PUDP: variants seen among roughly 807,000 people sequenced by gnomAD.
PUDP encodes pseudouridine 5'-phosphatase.
Under a neutral mutation model 9.4 loss-of-function variants are expected in PUDP, and 8 were observed. That is an observed-to-expected ratio of 0.85 (90% CI 0.50 to 1.53). The LOEUF (loss-of-function observed/expected upper bound fraction) is 1.53. Ranked by LOEUF, PUDP falls within the 40% of genes most tolerant of loss-of-function variation. The probability of loss-of-function intolerance (pLI) is 0.00; values close to 1 mark genes in which losing one functional copy is unlikely to be tolerated. For synonymous variants in PUDP, 99 were observed against 80.7 expected (o/e 1.23, Z -1.22); for missense variants, 188 against 189.7 (o/e 0.99, Z 0.05).
intron 2 of PUDP, among the ~76,000 whole-genome samples, chrX:6,977,394 T>C (rs193064496): frequency 1.1e-3 from 122 of 112,298 alleles, no homozygotes; most frequent in African/African-American, 3.6e-3. Context: ...ATCAATAGTA[T>C]ACACCTTCAA....
At position 6,814,151 on chromosome X, in the gene PUDP, G is replaced by A. The variant is rs186890098; in HGVS notation, c.*248-107685C>T. 9.9e-5 allele frequency among the ~76,000 whole-genome samples: 11 copies of A among 111,155 alleles called. No individual in the cohort carries two copies. In the East Asian group the frequency reaches 2.8e-3, roughly 29 times the overall value. ...CAACCTGAAAACATCAGCCCACATT[G>A]TCCCTTTAAGCCACGTGGCACCAGG... On this transcript the variant is annotated intron_variant and NMD_transcript_variant, in intron 3 of 3. Transcript: ENST00000655425.
chrX:6,844,669 T>C (rs1348882691), intron 3 of PUDP, among the ~76,000 whole-genome samples: 1 of 112,559 alleles, frequency 8.9e-6, no homozygotes, highest in Non-Finnish European at 1.9e-5. Context: ...GATATAGATA[T>C]GGAGATATAC....
intron 1 of PUDP, among the ~76,000 whole-genome samples, chrX:7,042,466 A>C (rs1929934841): frequency 8.9e-6 from 1 of 112,029 alleles, no homozygotes. Flanking sequence ...AATTAGGGTG[A>C]ATACAAGTAA....
chrX:6,946,061 C>CT (rs1300615970), intron 3 of PUDP, among the ~76,000 whole-genome samples: 1 of 111,376 alleles, frequency 9.0e-6, no homozygotes, highest in South Asian at 3.8e-4. Context: ...TGCCCCTACC[C>CT]TTTGTGATTT....
At chrX:7,072,493 C>T (rs1045563327) in intron 3 of PUDP, among the ~76,000 whole-genome samples, 6 of 111,489 alleles carry the variant, frequency 5.4e-5, no homozygotes, top group South Asian at 3.8e-4. Context: ...AACTAAAACA[C>T]GCAAAGTAGT....
chrX:6,868,418 A>G (rs1927122399), intron 3 of PUDP, among the ~76,000 whole-genome samples: 1 of 111,881 alleles, frequency 8.9e-6, no homozygotes, highest in African/African-American at 3.2e-5. Flanking sequence ...AGCAATAGAG[A>G]ATAAGCTCCT....
At chrX:6,822,888 GTTT>G (rs1489711264) in intron 3 of PUDP, among the ~76,000 whole-genome samples, 2 of 109,892 alleles carry the variant, frequency 1.8e-5, no homozygotes, top group African/African-American at 6.6e-5. Flanking sequence ...CCAGTTCCCT[GTTT>G]TTTAAGTTTT....
chrX:6,936,718 T>C (rs1393766994), intron 3 of PUDP, among the ~76,000 whole-genome samples: 9 of 70,035 alleles, frequency 1.3e-4, no homozygotes, highest in African/African-American at 1.7e-4. Context: ...GACGACATGA[T>C]TGTATATCTA....
chrX:6,977,236 G>A (rs778260100), exon 3 of PUDP, among the ~76,000 whole-genome samples: 31 of 111,648 alleles, frequency 2.8e-4, no homozygotes, highest in East Asian at 2.0e-3. Flanking sequence ...AGAGACTGCC[G>A]CCTTACCTTA....
chrX:6,971,583 A>T (rs1602696366), intron 3 of PUDP, among the ~76,000 whole-genome samples: 1 of 95,334 alleles, frequency 1.0e-5, no homozygotes. Flanking sequence ...CGCCCGGCTA[A>T]TTTTTTTTTT....
intron 3 of PUDP, among the ~76,000 whole-genome samples, chrX:6,921,826 T>G (rs2146763782): frequency 9.0e-6 from 1 of 111,361 alleles, no homozygotes; most frequent in South Asian, 3.8e-4. Flanking sequence ...ACTATTTTTC[T>G]TCCTTCTCTT....
upstream of PUDP, among the ~76,000 whole-genome samples, chrX:6,722,873 C>G (rs780149076): frequency 9.0e-6 from 1 of 111,730 alleles, no homozygotes; most frequent in African/African-American, 3.2e-5. Flanking sequence ...ACATTTGATA[C>G]CAATTAGAAT....
At chrX:6,999,259 C>T (rs1315826632) in intron 1 of PUDP, among the ~76,000 whole-genome samples, 5 of 111,658 alleles carry the variant, frequency 4.5e-5, no homozygotes, top group African/African-American at 1.6e-4. Context: ...TGGTCACTTT[C>T]ATCACTATGT....
At chrX:6,944,916 A>C (rs1467351447) in intron 3 of PUDP, among the ~76,000 whole-genome samples, 1 of 111,596 alleles carries the variant, frequency 9.0e-6, no homozygotes, top group East Asian at 2.8e-4. Flanking sequence ...TCCTTATCCG[A>C]TCACAAATCA....
chrX:7,015,578 G>T (rs1468002132), intron 1 of PUDP, among the ~76,000 whole-genome samples: 1 of 111,318 alleles, frequency 9.0e-6, no homozygotes, highest in Non-Finnish European at 1.9e-5. Context: ...TTCTTCTTTT[G>T]TTTTCTCTTT....
At chrX:6,766,773 T>G (rs1489778916) in intron 3 of PUDP, among the ~76,000 whole-genome samples, 4 of 112,089 alleles carry the variant, frequency 3.6e-5, no homozygotes, top group Admixed American at 1.9e-4. Flanking sequence ...TCCTTAATTT[T>G]CAGCATGCAC....
chrX:7,032,596 G>A (rs1045613614), intron 1 of PUDP, among the ~76,000 whole-genome samples: 1 of 112,204 alleles, frequency 8.9e-6, no homozygotes, highest in Non-Finnish European at 1.9e-5. Flanking sequence ...GAAATAGTAT[G>A]TTGTTAAATA....
intron 1 of PUDP, among the ~76,000 whole-genome samples, chrX:7,033,799 A>C (rs1929820323): frequency 1.8e-5 from 2 of 112,206 alleles, no homozygotes; most frequent in Non-Finnish European, 3.8e-5. Flanking sequence ...GCTAAGAGTG[A>C]GGTGGAAAGT....
intron 1 of PUDP, among the ~76,000 whole-genome samples, chrX:7,146,422 T>C (rs1433740492): frequency 8.9e-6 from 1 of 111,971 alleles, no homozygotes; most frequent in African/African-American, 3.2e-5. Flanking sequence ...GATAAGAAAT[T>C]TATTTGACAA....
Sources: gnomAD v4.1 joint callset for allele counts (sites outside exome capture counted in the v4.1 genomes callset) on GRCh38, gnomAD v4.1.1 for gene constraint, MANE v1.5 for transcripts, NCBI Gene and HGNC (gene_info 2026-07-23, HGNC 2026-07-21) for gene names.